The following GALNT13 variants were observed in gnomAD, a reference collection of about 807,000 sequenced individuals.
The protein encoded by GALNT13 is polypeptide N-acetylgalactosaminyltransferase 13, also known as UDP-GalNAc:polypeptide N-acetylgalactosaminyltransferase 13.
GALNT13 carries 28 observed loss-of-function variants against 64.2 expected under a neutral mutation model. The ratio of observed to expected loss-of-function variants is 0.44; its 90% CI spans 0.32 to 0.60. GALNT13 has a LOEUF of 0.60. Among genes scored for constraint, GALNT13 ranks in the 20% least tolerant of loss-of-function variants. GALNT13 has a pLI of 0.05. For synonymous variants in GALNT13, 214 were observed against 224.6 expected (o/e 0.95, Z 0.42); for missense variants, 577 against 669.8 (o/e 0.86, Z 1.53).
At chr2:153,318,827 G>A in the GALNT13 span, among the ~76,000 whole-genome samples, 1 of 152,188 alleles carries the variant, frequency 6.6e-6, no homozygotes, top group African/African-American at 2.4e-5. Flanking sequence ...TGGCTATGTA[G>A]TAAAATGGGG....
At chr2:154,101,143 C>A (rs1386783284) in intron 3 of GALNT13, among the ~76,000 whole-genome samples, 1 of 148,284 alleles carries the variant, frequency 6.7e-6, no homozygotes, top group Non-Finnish European at 1.5e-5. Context: ...CTGTGTTTAT[C>A]AGGGATATTT....
the GALNT13 span, among the ~76,000 whole-genome samples, chr2:153,578,180 G>A: frequency 3.3e-5 from 5 of 152,010 alleles, no homozygotes; most frequent in Non-Finnish European, 7.4e-5. Flanking sequence ...CAGTGCTTTA[G>A]GGTAAACTTC....
At chr2:153,446,335 G>GT in the GALNT13 span, among the ~76,000 whole-genome samples, 2 of 152,198 alleles carry the variant, frequency 1.3e-5, no homozygotes, top group African/African-American at 4.8e-5. Context: ...GAAGTGTATA[G>GT]TAAGTACTTC....
chr2:153,854,458 G>A, the GALNT13 span, among the ~76,000 whole-genome samples: 4 of 151,920 alleles, frequency 2.6e-5, no homozygotes, highest in African/African-American at 9.7e-5. Context: ...GTGCACACCT[G>A]TAATCCCAGC....
chr2:153,304,024 G>A, the GALNT13 span, among the ~76,000 whole-genome samples: 2 of 151,782 alleles, frequency 1.3e-5, no homozygotes, highest in African/African-American at 4.8e-5. Context: ...GTGGATTCAA[G>A]TTGGAGACTG....
intron 8 of GALNT13, among the ~76,000 whole-genome samples, chr2:154,279,715 A>G (rs1342989740): frequency 6.6e-6 from 1 of 152,158 alleles, no homozygotes; most frequent in East Asian, 1.9e-4. Context: ...TAGCAAAGCA[A>G]TATGCCAAAT....
the GALNT13 span, among the ~76,000 whole-genome samples, chr2:153,628,695 C>T: frequency 6.6e-6 from 1 of 152,120 alleles, no homozygotes. Context: ...AGGGATGAAG[C>T]CCACTTGGTC....
the GALNT13 span, among the ~76,000 whole-genome samples, chr2:153,832,537 T>C: frequency 6.6e-6 from 1 of 152,166 alleles, no homozygotes; most frequent in African/African-American, 2.4e-5. Context: ...GTAGTTTTAG[T>C]TACAAAATGG....
At chr2:153,852,881 T>C in the GALNT13 span, among the ~76,000 whole-genome samples, 7 of 152,154 alleles carry the variant, frequency 4.6e-5, no homozygotes, top group Non-Finnish European at 1.0e-4. Flanking sequence ...ATAGGATAGA[T>C]GTATAAATGA....
chr2:153,345,628 CCTTTCT>C, the GALNT13 span, among the ~76,000 whole-genome samples: 202 of 109,018 alleles, frequency 1.9e-3, 1 homozygote, highest in Middle Eastern at 5.2e-3. Context: ...CTTTTCTTTT[CCTTTCT>C]TTTTCTTTCT....
At chr2:154,023,925 A>G (rs1287150383) in intron 3 of GALNT13, among the ~76,000 whole-genome samples, 5 of 152,216 alleles carry the variant, frequency 3.3e-5, no homozygotes, top group Non-Finnish European at 7.4e-5. Flanking sequence ...GCTTGTCTGT[A>G]AAGTATTTTA....
chr2:154,344,298 T>C (rs1273281850), intron 9 of GALNT13, among the ~76,000 whole-genome samples: 6 of 102,362 alleles, frequency 5.9e-5, no homozygotes, highest in African/African-American at 1.7e-4. Context: ...GACAAAGACT[T>C]CCAGCAAACC....
the GALNT13 span, among the ~76,000 whole-genome samples, chr2:153,243,391 C>T: frequency 6.6e-6 from 1 of 152,124 alleles, no homozygotes; most frequent in African/African-American, 2.4e-5. Context: ...TAACCTTGCC[C>T]CTAGCTATGC....
chr2:153,132,719 A>C, the GALNT13 span, among the ~76,000 whole-genome samples: 1 of 152,222 alleles, frequency 6.6e-6, no homozygotes, highest in Non-Finnish European at 1.5e-5. Flanking sequence ...TGGAATTATT[A>C]AACTGAGTTA....
chr2:154,224,013 GA>G (rs1218577287), intron 4 of GALNT13, among the ~76,000 whole-genome samples: 3 of 151,542 alleles, frequency 2.0e-5, no homozygotes, highest in African/African-American at 7.3e-5. Context: ...AGAATTTTAG[GA>G]AAAAAAGAAG....
intron 11 of GALNT13, among the ~76,000 whole-genome samples, chr2:154,433,521 C>T (rs1434619522): frequency 5.3e-5 from 8 of 151,866 alleles, no homozygotes; most frequent in Non-Finnish European, 8.8e-5. Context: ...AATTGATTAG[C>T]AGACTGGGTG....
At chr2:153,267,325 G>A in the GALNT13 span, among the ~76,000 whole-genome samples, 8 of 152,272 alleles carry the variant, frequency 5.3e-5, 1 homozygote, top group African/African-American at 1.7e-4. Flanking sequence ...TTTTCTCTCT[G>A]CATTGCCCTA....
chr2:154,359,858 T>G (rs1696963916), intron 9 of GALNT13, among the ~76,000 whole-genome samples: 1 of 152,102 alleles, frequency 6.6e-6, no homozygotes, highest in African/African-American at 2.4e-5. Flanking sequence ...CTCAGTAAAA[T>G]GAATTATAAG....
At chr2:153,459,363 TC>T in the GALNT13 span, among the ~76,000 whole-genome samples, 1 of 151,978 alleles carries the variant, frequency 6.6e-6, no homozygotes, top group African/African-American at 2.4e-5. Context: ...GTGTCTGTAG[TC>T]CCAGCTACTC....
Sources: allele counts gnomAD v4.1 joint callset (sites outside exome capture counted in the v4.1 genomes callset), GRCh38; gene constraint gnomAD v4.1.1; transcripts MANE v1.5; gene names NCBI Gene and HGNC (gene_info 2026-07-23, HGNC 2026-07-21).